Variants in DPP10 observed in about 807,000 individuals in gnomAD.
The protein encoded by DPP10 is dipeptidyl peptidase like 10.
In DPP10, 33 loss-of-function variants were observed where a neutral mutation model predicts 120.9. The ratio of observed to expected loss-of-function variants is 0.27; its 90% CI spans 0.21 to 0.37. The LOEUF is 0.37. DPP10 is among the 10% of genes least tolerant of loss of function. The pLI is 1.00. For missense variants in DPP10, 816 were observed against 942.8 expected (o/e 0.87, Z 1.76); for synonymous variants, 337 against 326.1 (o/e 1.03, Z -0.36).
At chr2:114,511,052 C>G (rs928892160) in intron 1 of DPP10, among the ~76,000 whole-genome samples, 1 of 152,180 alleles carries the variant, frequency 6.6e-6, no homozygotes, top group Admixed American at 6.5e-5. Context: ...TGAATGGTCT[C>G]TTCTGTAGAA....
intron 1 of DPP10, among the ~76,000 whole-genome samples, chr2:115,140,915 A>G (rs1240918343): frequency 7.8e-6 from 1 of 127,920 alleles, no homozygotes; most frequent in African/African-American, 3.1e-5. Flanking sequence ...AAGATGTGAC[A>G]TGCTTATCTT....
chr2:115,599,067 CT>C (rs1487548822), intron 5 of DPP10, among the ~76,000 whole-genome samples: 26 of 151,954 alleles, frequency 1.7e-4, no homozygotes, highest in Non-Finnish European at 3.1e-4. Flanking sequence ...TATTACACCT[CT>C]AAAATCATAT....
chr2:114,714,071 T>TTGTGTGTGTG (rs59076753), intron 1 of DPP10, among the ~76,000 whole-genome samples: 4 of 147,338 alleles, frequency 2.7e-5, no homozygotes, highest in African/African-American at 9.9e-5. Flanking sequence ...GGATTTGTGT[T>TTGTGTGTGTG]TGTGTGTGTG....
chr2:115,412,148 C>G (rs2068999859), intron 3 of DPP10, among the ~76,000 whole-genome samples: 1 of 152,144 alleles, frequency 6.6e-6, no homozygotes, highest in African/African-American at 2.4e-5. Context: ...GATTTAATTG[C>G]TAAGCACACA....
At chr2:115,157,067 C>T (rs950378740) in intron 1 of DPP10, among the ~76,000 whole-genome samples, 1 of 151,900 alleles carries the variant, frequency 6.6e-6, no homozygotes, top group Non-Finnish European at 1.5e-5. Flanking sequence ...GTAAACATGA[C>T]AACAGCAGGT....
intron 1 of DPP10, among the ~76,000 whole-genome samples, chr2:114,590,386 T>G (rs1209284312): frequency 6.6e-6 from 1 of 152,192 alleles, no homozygotes; most frequent in Non-Finnish European, 1.5e-5. Flanking sequence ...CACTCATTCA[T>G]CAATGACATG....
At chr2:114,523,508 C>T (rs112523741) in intron 1 of DPP10, among the ~76,000 whole-genome samples, 57 of 152,268 alleles carry the variant, frequency 3.7e-4, no homozygotes, top group African/African-American at 1.3e-3. Flanking sequence ...TTAGCTTTCC[C>T]TGTCACTGAC....
chr2:114,519,077 C>A (rs1380730621), intron 1 of DPP10, among the ~76,000 whole-genome samples: 1 of 152,208 alleles, frequency 6.6e-6, no homozygotes, highest in East Asian at 1.9e-4. Flanking sequence ...ATTTCCTGAT[C>A]TGAATTTTCT....
chr2:115,775,807 ACT>A (rs1331472605), intron 13 of DPP10, among the ~76,000 whole-genome samples: 7 of 152,254 alleles, frequency 4.6e-5, no homozygotes, highest in East Asian at 1.9e-4. Flanking sequence ...TAAAAAATTA[ACT>A]CTTATTTTTT....
At chr2:114,556,999 GCT>G (rs1491116139) in intron 1 of DPP10, among the ~76,000 whole-genome samples, 35 of 40,286 alleles carry the variant, frequency 8.7e-4, no homozygotes, top group Admixed American at 4.8e-4. Context: ...AGCAAAGACA[GCT>G]TTTTTTTTTT....
chr2:114,869,788 G>A (rs1303262401), intron 1 of DPP10, among the ~76,000 whole-genome samples: 1 of 152,194 alleles, frequency 6.6e-6, no homozygotes, highest in Non-Finnish European at 1.5e-5. Context: ...GAACTGCCTA[G>A]TTGCAACAAA....
chr2:115,637,801 G>A (rs902004338), intron 5 of DPP10, among the ~76,000 whole-genome samples: 1 of 152,106 alleles, frequency 6.6e-6, no homozygotes, highest in African/African-American at 2.4e-5. Context: ...AAGAACAGTG[G>A]CCATCCCAGT....
At chr2:115,096,505 G>A (rs1210880838) in intron 1 of DPP10, among the ~76,000 whole-genome samples, 1 of 152,034 alleles carries the variant, frequency 6.6e-6, no homozygotes, top group Non-Finnish European at 1.5e-5. Flanking sequence ...TGAGTCAAAA[G>A]GAATAAAAGC....
intron 1 of DPP10, among the ~76,000 whole-genome samples, chr2:114,528,108 A>G (rs906266978): frequency 6.6e-6 from 1 of 152,022 alleles, no homozygotes; most frequent in South Asian, 2.1e-4. Context: ...CTTCAGCACC[A>G]TCTCTCCCAT....
At chr2:114,950,382 C>G (rs1176141693) in intron 1 of DPP10, among the ~76,000 whole-genome samples, 1 of 150,538 alleles carries the variant, frequency 6.6e-6, no homozygotes, top group South Asian at 2.1e-4. Context: ...GCAAGCTCCG[C>G]CTCCTGGGTT....
At chr2:115,267,908 C>G (rs1036528744) in intron 1 of DPP10, among the ~76,000 whole-genome samples, 3 of 152,138 alleles carry the variant, frequency 2.0e-5, no homozygotes, top group Non-Finnish European at 4.4e-5. Flanking sequence ...TCATAATGCT[C>G]TACTGTAGGT....
At chr2:114,984,568 G>T (rs1473932164) in intron 1 of DPP10, among the ~76,000 whole-genome samples, 1 of 152,094 alleles carries the variant, frequency 6.6e-6, no homozygotes, top group Non-Finnish European at 1.5e-5. Flanking sequence ...GACACAGAAG[G>T]ATGGCTTTAG....
At chr2:115,618,755 C>T (rs1380607994) in intron 5 of DPP10, among the ~76,000 whole-genome samples, 4 of 152,124 alleles carry the variant, frequency 2.6e-5, no homozygotes, top group Non-Finnish European at 4.4e-5. Flanking sequence ...AGGATGTAAG[C>T]ATTACTCCAT....
At chr2:115,624,029 C>T (rs550039352) in intron 5 of DPP10, among the ~76,000 whole-genome samples, 1 of 151,650 alleles carries the variant, frequency 6.6e-6, no homozygotes, top group Non-Finnish European at 1.5e-5. Flanking sequence ...GATGTTAGGC[C>T]TGTAAATTAG....
Sources: allele counts gnomAD v4.1 joint callset (sites outside exome capture counted in the v4.1 genomes callset), GRCh38; gene constraint gnomAD v4.1.1; transcripts MANE v1.5; gene names NCBI Gene and HGNC (gene_info 2026-07-23, HGNC 2026-07-21).